Variants in RBFOX1 observed in about 807,000 individuals in gnomAD.
The protein encoded by RBFOX1 is RNA binding protein fox-1 homolog 1.
A neutral mutation model predicts 57.7 loss-of-function variants in RBFOX1; 8 were observed. That is an observed-to-expected ratio of 0.14 (90% confidence interval 0.08 to 0.25). The LOEUF (loss-of-function observed/expected upper bound fraction) is 0.25. RBFOX1 is among the 10% of genes least tolerant of loss of function. The probability of loss-of-function intolerance (pLI) is 1.00; values close to 1 mark genes in which losing one functional copy is unlikely to be tolerated. For synonymous variants in RBFOX1, 326 were observed against 222.4 expected (o/e 1.47, Z -4.15); for missense variants, 611 against 548.5 (o/e 1.11, Z -1.14).
intron 3 of RBFOX1, among the ~76,000 whole-genome samples, chr16:6,822,698 C>G (rs1043358091): frequency 6.6e-6 from 1 of 152,128 alleles, no homozygotes; most frequent in South Asian, 2.1e-4. Context: ...TTTAAAGATC[C>G]AAGCTCTGCT....
chr16:5,387,084 C>T (rs1022240507), intron 1 of RBFOX1, among the ~76,000 whole-genome samples: 21 of 152,124 alleles, frequency 1.4e-4, no homozygotes, highest in African/African-American at 5.1e-4. Flanking sequence ...AGTTTGGTTG[C>T]ATTACTACTT....
At chr16:5,744,664 T>A (rs11859744) in intron 3 of RBFOX1, among the ~76,000 whole-genome samples, 1 of 152,146 alleles carries the variant, frequency 6.6e-6, no homozygotes, top group African/African-American at 2.4e-5. Context: ...CGATCTGAAA[T>A]TAAATGAAAT....
intron 3 of RBFOX1, among the ~76,000 whole-genome samples, chr16:6,718,753 A>G (rs1471996624): frequency 4.6e-5 from 7 of 152,208 alleles, no homozygotes; most frequent in Admixed American, 2.0e-4. Context: ...AGTAACAGCA[A>G]AATCCCAAAT....
chr16:6,839,142 A>C (rs555256821), intron 3 of RBFOX1, among the ~76,000 whole-genome samples: 2 of 143,884 alleles, frequency 1.4e-5, no homozygotes, highest in African/African-American at 2.5e-5. Context: ...ACACCACCAC[A>C]CCCAGCTAAT....
chr16:7,413,037 G>C (rs904420075), intron 4 of RBFOX1, among the ~76,000 whole-genome samples: 4 of 151,522 alleles, frequency 2.6e-5, no homozygotes, highest in Admixed American at 6.6e-5. Flanking sequence ...GCGAGACTCC[G>C]TCTCAAAACA....
At chr16:6,096,807 C>A (rs1415496343) in intron 1 of RBFOX1, among the ~76,000 whole-genome samples, 2 of 152,160 alleles carry the variant, frequency 1.3e-5, no homozygotes, top group Non-Finnish European at 2.9e-5. Flanking sequence ...AATACATGAA[C>A]CCAACTGCTC....
chr16:7,055,493 C>T (rs1045570703), intron 4 of RBFOX1, among the ~76,000 whole-genome samples: 1 of 152,116 alleles, frequency 6.6e-6, no homozygotes, highest in Non-Finnish European at 1.5e-5. Context: ...CTGCCATCTA[C>T]CCCATATCAC....
chr16:6,641,741 A>G (rs1326088622), intron 2 of RBFOX1, among the ~76,000 whole-genome samples: 1 of 28,864 alleles, frequency 3.5e-5, no homozygotes, highest in African/African-American at 1.6e-4. Flanking sequence ...TCTCAAAAAA[A>G]AAAAAAAAAA....
chr16:5,655,695 T>G (rs1347505843), intron 3 of RBFOX1, among the ~76,000 whole-genome samples: 1 of 152,206 alleles, frequency 6.6e-6, no homozygotes, highest in Non-Finnish European at 1.5e-5. Flanking sequence ...CTTTCTCATC[T>G]CACAGGTACA....
At chr16:5,544,058 C>G (rs1238194302) in intron 2 of RBFOX1, among the ~76,000 whole-genome samples, 2 of 152,170 alleles carry the variant, frequency 1.3e-5, no homozygotes, top group African/African-American at 2.4e-5. Flanking sequence ...ATGTCACCAA[C>G]CAGTTTGACC....
chr16:6,781,301 C>A (rs1356373590), intron 3 of RBFOX1, among the ~76,000 whole-genome samples: 1 of 152,024 alleles, frequency 6.6e-6, no homozygotes, highest in African/African-American at 2.4e-5. Context: ...GATGAATGAT[C>A]TTTTTAATAT....
Position 7,543,600 on chromosome 16 carries a change from G to A in RBFOX1, c.270+25211G>A, listed in dbSNP as rs543728236. Among the ~76,000 whole-genome samples the A allele has an allele frequency of 6.0e-4, 91 of 152,018 alleles. 1 individual carries two copies. Among genetic ancestry groups the A allele is most frequent in the Non-Finnish European group, 7.4e-5 (5 of 68,008 alleles). Reference sequence around the variant, plus strand: ...CCAGTCTTAGGCATATTAAAATTGAGAACCATTGCTTAAGGATTTCTTAAC... The same window carrying A: ...CCAGTCTTAGGCATATTAAAATTGAAAACCATTGCTTAAGGATTTCTTAAC... On this transcript the variant is annotated intron_variant, in intron 5 of 15. Coordinates refer to ENST00000550418, the MANE Select transcript of RBFOX1 (RefSeq NM_018723.4).
intron 1 of RBFOX1, among the ~76,000 whole-genome samples, chr16:6,190,787 G>A (rs912515531): frequency 3.3e-5 from 5 of 152,104 alleles, no homozygotes; most frequent in African/African-American, 1.2e-4. Context: ...CATGGCTTAT[G>A]TATTTTATCT....
chr16:6,871,077 C>T (rs1434862814), intron 3 of RBFOX1, among the ~76,000 whole-genome samples: 1 of 152,192 alleles, frequency 6.6e-6, no homozygotes, highest in African/African-American at 2.4e-5. Flanking sequence ...TAGGAATGGA[C>T]AAGATGACTT....
chr16:5,348,804 T>A (rs2065198899), intron 1 of RBFOX1, among the ~76,000 whole-genome samples: 1 of 152,250 alleles, frequency 6.6e-6, no homozygotes, highest in Non-Finnish European at 1.5e-5. Context: ...GCATTTTCTT[T>A]ATGCATTAAT....
intron 3 of RBFOX1, among the ~76,000 whole-genome samples, chr16:5,789,112 C>T (rs143616409): frequency 0.021 from 3,234 of 152,278 alleles, 51 homozygotes; most frequent in Middle Eastern, 0.037. Context: ...TCTCACACAG[C>T]ACCAAGTAAG....
intron 3 of RBFOX1, among the ~76,000 whole-genome samples, chr16:7,051,451 C>T (rs554308461): frequency 1.4e-3 from 208 of 152,334 alleles, no homozygotes; most frequent in African/African-American, 4.8e-3. Context: ...TGCTAATACC[C>T]ACTTTCCTAT....
intron 3 of RBFOX1, among the ~76,000 whole-genome samples, chr16:6,859,111 G>GTGTATATATATA (rs1383584385): frequency 1.5e-4 from 10 of 65,086 alleles, no homozygotes; most frequent in South Asian, 4.7e-4. Flanking sequence ...TAAAAAAAGT[G>GTGTATATATATA]TATATATATA....
intron 2 of RBFOX1, among the ~76,000 whole-genome samples, chr16:6,351,974 A>G (rs1415906918): frequency 6.6e-6 from 1 of 152,198 alleles, no homozygotes; most frequent in Non-Finnish European, 1.5e-5. Flanking sequence ...ACACTGCAGA[A>G]CCAGCATTTG....
Sources: gnomAD v4.1 joint callset for allele counts (sites outside exome capture counted in the v4.1 genomes callset) on GRCh38, gnomAD v4.1.1 for gene constraint, MANE v1.5 for transcripts, NCBI Gene and HGNC (gene_info 2026-07-23, HGNC 2026-07-21) for gene names.